AP3S2: variants seen among roughly 807,000 people sequenced by gnomAD.
The protein encoded by AP3S2 is AP-3 complex subunit sigma-2.
A neutral mutation model predicts 23.4 loss-of-function variants in AP3S2; 22 were observed. The ratio of observed to expected loss-of-function variants is 0.94; its 90% CI spans 0.67 to 1.34. The LOEUF is 1.34. Among genes scored for constraint, AP3S2 ranks in the 40% most tolerant of loss-of-function variants. The pLI, the probability that AP3S2 is intolerant of heterozygous loss-of-function variation, is 0.00. For missense variants in AP3S2, 241 were observed against 236.9 expected, an observed-to-expected ratio of 1.02 and a Z score of -0.11; for synonymous variants, 86 against 87.1, an observed-to-expected ratio of 0.99 and a Z score of 0.07.
At chr15:89,880,551 A>G (rs1045267035) in intron 3 of AP3S2, among the ~76,000 whole-genome samples, 4 of 151,918 alleles carry the variant, frequency 2.6e-5, no homozygotes, top group African/African-American at 4.8e-5. Flanking sequence ...GTGGGCGCCT[A>G]TAGTCCCACC....
Position 89,855,945 on chromosome 15 carries a change from TAAAAA to T in AP3S2, c.345+15525_345+15529del, listed in dbSNP as rs34784306. Among the ~76,000 whole-genome samples, 131 of 111,946 alleles carry T rather than the reference TAAAAA, an allele frequency of 1.2e-3. No individual in the cohort carries two copies. In the South Asian group the frequency reaches 0.014, roughly 12 times the overall value. The allele number at this position is 111,946 out of a possible 152,430, so 73.4% of individuals were successfully genotyped here. A position where few individuals can be genotyped will look rare whatever the true frequency, so the allele number is the denominator to read the frequency against. On this transcript the variant is annotated intron_variant, in intron 4 of 5. Transcript: ENST00000336418. ...GTATGAATAAATATGATATGTCCTT[TAAAAA>T]AAAAAAAAAAAAAAAAAAGAATCAA...
chr15:89,845,532 T>G (rs1031883775), intron 4 of AP3S2: 1 of 152,144 alleles, frequency 6.6e-6, no homozygotes, highest in Non-Finnish European at 1.5e-5. Flanking sequence ...GAATCAACAC[T>G]GAACTCATGT....
intron 4 of AP3S2, among the ~76,000 whole-genome samples, chr15:89,849,656 T>C (rs570404290): frequency 1.3e-4 from 20 of 152,292 alleles, no homozygotes; most frequent in East Asian, 1.2e-3. Context: ...CATGAGCCAC[T>C]GCGCCCAGCC....
intron 1 of AP3S2, 59 bp downstream of exon 1, chr15:89,893,822 G>C: frequency 1.3e-6 from 2 of 1,535,460 alleles, no homozygotes. Flanking sequence ...AGAGGCCAAA[G>C]AGGAGGGAAG....
chr15:89,893,090 G>C (rs765592853), intron 1 of AP3S2: 5 of 152,194 alleles, frequency 3.3e-5, no homozygotes, highest in Non-Finnish European at 5.9e-5. Context: ...AGTCTGAAAA[G>C]GGTTTATTAA....
At chr15:89,869,902 G>A (rs1271280106) in intron 4 of AP3S2, among the ~76,000 whole-genome samples, 4 of 152,048 alleles carry the variant, frequency 2.6e-5, no homozygotes, top group Non-Finnish European at 5.9e-5. Flanking sequence ...CATCACGCCT[G>A]GCTAATTTTT....
intron 3 of AP3S2, among the ~76,000 whole-genome samples, chr15:89,887,100 G>A (rs948153615): frequency 1.3e-5 from 2 of 151,984 alleles, no homozygotes; most frequent in Non-Finnish European, 2.9e-5. Context: ...CCCGCCTTGA[G>A]CTCTTTCTAT....
intron 4 of AP3S2, among the ~76,000 whole-genome samples, chr15:89,844,969 G>A (rs187640549): frequency 2.0e-5 from 3 of 151,742 alleles, no homozygotes; most frequent in Admixed American, 6.6e-5. Flanking sequence ...GCAGTGGCAC[G>A]ATCTCGGCTC....
At chr15:89,886,175 C>G (rs911978539) in intron 3 of AP3S2, among the ~76,000 whole-genome samples, 3 of 151,806 alleles carry the variant, frequency 2.0e-5, no homozygotes, top group African/African-American at 7.3e-5. Context: ...ATGGTGAAAC[C>G]CTGTCGCTAC....
At chr15:89,871,152 T>C (rs1896309483) in intron 4 of AP3S2, among the ~76,000 whole-genome samples, 1 of 152,242 alleles carries the variant, frequency 6.6e-6, no homozygotes, top group Non-Finnish European at 1.5e-5. Context: ...ACTAATTTTA[T>C]AATCAGCATA....
At chr15:89,847,040 G>C (rs1258356325) in intron 4 of AP3S2, among the ~76,000 whole-genome samples, 1 of 151,928 alleles carries the variant, frequency 6.6e-6, no homozygotes, top group East Asian at 1.9e-4. Flanking sequence ...TCTATAACTG[G>C]ACCTACTTAC....
At chr15:89,878,208 G>T (rs1414301513) in intron 3 of AP3S2, 21 of 624,066 alleles carry the variant, frequency 3.4e-5, no homozygotes, top group Non-Finnish European at 5.9e-5. Flanking sequence ...AATAAAAATG[G>T]TTTTCTCCAA....
chr15:89,839,810 C>T (rs981262351), intron 4 of AP3S2, among the ~76,000 whole-genome samples: 5 of 151,750 alleles, frequency 3.3e-5, no homozygotes, highest in Non-Finnish European at 5.9e-5. Flanking sequence ...CATAGAAATA[C>T]AACAGAATAT....
intron 4 of AP3S2, among the ~76,000 whole-genome samples, chr15:89,862,043 A>C (rs527982950): frequency 6.6e-6 from 1 of 152,310 alleles, no homozygotes; most frequent in Non-Finnish European, 1.5e-5. Flanking sequence ...TACGGAAGTA[A>C]AGCCAGGATA....
chr15:89,893,665 A>C (rs1896870866), intron 1 of AP3S2: 1 of 545,114 alleles, frequency 1.8e-6, no homozygotes, highest in African/African-American at 1.9e-5. Context: ...GCCAGGATCA[A>C]GAAAAGGGTC....
chr15:89,842,251 T>C (rs1169116989), intron 4 of AP3S2, among the ~76,000 whole-genome samples: 1 of 151,976 alleles, frequency 6.6e-6, no homozygotes, highest in Non-Finnish European at 1.5e-5. Flanking sequence ...AAGAAACAGT[T>C]ACAAAAGACA....
At chr15:89,858,493 A>AGAG (rs1596200467) in intron 4 of AP3S2, among the ~76,000 whole-genome samples, 161 of 60,176 alleles carry the variant, frequency 2.7e-3, no homozygotes, top group South Asian at 7.9e-3. Flanking sequence ...GAAAGAAAGA[A>AGAG]AGAGAGAGAG....
intron 4 of AP3S2, among the ~76,000 whole-genome samples, chr15:89,868,004 C>A (rs796879845): frequency 1.0e-3 from 145 of 144,228 alleles, no homozygotes; most frequent in African/African-American, 3.0e-3. Context: ...GTCAGCCCCC[C>A]GCCCGGCCAG....
At chr15:89,881,403 TAAACTC>T (rs778190506) in intron 3 of AP3S2, among the ~76,000 whole-genome samples, 54 of 152,226 alleles carry the variant, frequency 3.5e-4, no homozygotes, top group Non-Finnish European at 6.9e-4. Flanking sequence ...AGTTTTAAAA[TAAACTC>T]AAAATACGCA....
Sources: gnomAD v4.1 joint callset for allele counts (sites outside exome capture counted in the v4.1 genomes callset) on GRCh38, gnomAD v4.1.1 for gene constraint, MANE v1.5 for transcripts, NCBI Gene and HGNC (gene_info 2026-07-23, HGNC 2026-07-21) for gene names.